Variants in ATRNL1 observed in about 807,000 individuals in gnomAD.
ATRNL1 encodes the protein attractin-like protein 1.
Under a neutral mutation model 182.7 loss-of-function variants are expected in ATRNL1, and 95 were observed. That is an observed-to-expected ratio of 0.52 (90% confidence interval 0.44 to 0.62). ATRNL1 has a LOEUF of 0.62. ATRNL1 is among the 20% of genes least tolerant of loss of function. ATRNL1 has a pLI of 0.00. For missense variants in ATRNL1, 1,471 were observed against 1,679.5 expected (o/e 0.88, Z 2.17); for synonymous variants, 576 against 568.3 (o/e 1.01, Z -0.19).
chr10:115,501,136 GT>G (rs1361179531), intron 24 of ATRNL1, among the ~76,000 whole-genome samples: 2 of 151,724 alleles, frequency 1.3e-5, no homozygotes, highest in Non-Finnish European at 2.9e-5. Context: ...GTTTCACCAT[GT>G]TTGCCAGGCT....
intron 8 of ATRNL1, among the ~76,000 whole-genome samples, chr10:115,177,904 TTTTTTTTGTTTTTTTTTTTG>T (rs1564799883): frequency 1.3e-4 from 11 of 83,528 alleles, no homozygotes; most frequent in African/African-American, 3.9e-4. Context: ...TGTTTTTTTG[TTTTTTTTGTTTTTTTTTTTG>T]TTTTTTTTTT....
intron 28 of ATRNL1, among the ~76,000 whole-genome samples, chr10:115,855,708 A>G (rs1414018014): frequency 4.6e-5 from 7 of 152,194 alleles, no homozygotes; most frequent in Admixed American, 3.9e-4. Context: ...TTTATAATTC[A>G]TGTAGGATGG....
chr10:115,200,100 A>G (rs1848505037), intron 8 of ATRNL1, among the ~76,000 whole-genome samples: 1 of 152,132 alleles, frequency 6.6e-6, no homozygotes, highest in South Asian at 2.1e-4. Context: ...CATTAAAGTA[A>G]GATACAAAGA....
chr10:115,285,096 G>A (rs1306929885), intron 14 of ATRNL1, among the ~76,000 whole-genome samples: 3 of 152,088 alleles, frequency 2.0e-5, no homozygotes, highest in African/African-American at 7.2e-5. Context: ...TTGAGGATAC[G>A]TTTCCTTTGG....
chr10:115,476,573 A>G (rs947946169), intron 24 of ATRNL1, among the ~76,000 whole-genome samples: 2 of 151,168 alleles, frequency 1.3e-5, no homozygotes, highest in African/African-American at 4.8e-5. Context: ...GTTTTTGTAC[A>G]TATACATTTA....
At position 115,637,603 on chromosome 10, in the gene ATRNL1, CTAT is replaced by C. The variant is rs3087071; in HGVS notation, c.3795+88102_3795+88104del. Among the ~76,000 whole-genome samples, 1,187 of 141,798 alleles carry C rather than the reference CTAT, an allele frequency of 8.4e-3. 11 individuals carry two copies. Among genetic ancestry groups the C allele is most frequent in the Middle Eastern group, 0.014 (4 of 276 alleles). The allele number at this position is 141,798 out of a possible 152,430, so 93.0% of individuals were successfully genotyped here. A position where few individuals can be genotyped will look rare whatever the true frequency, so the allele number is the denominator to read the frequency against. On this transcript the variant is annotated intron_variant, in intron 26 of 28. Coordinates refer to ENST00000355044, the MANE Select transcript of ATRNL1 (RefSeq NM_207303.4). ...AAAGTAAGCTAAAGTCAATTTATTA[CTAT>C]TATTATTATTATTATTATTATTATT...
At chr10:115,799,109 G>A (rs1949730795) in intron 27 of ATRNL1, among the ~76,000 whole-genome samples, 1 of 152,176 alleles carries the variant, frequency 6.6e-6, no homozygotes, top group South Asian at 2.1e-4. Context: ...ACAGGCGTGA[G>A]ACACCAGTAA....
intron 10 of ATRNL1, among the ~76,000 whole-genome samples, chr10:115,255,199 G>T (rs1261928183): frequency 6.6e-6 from 1 of 152,162 alleles, no homozygotes; most frequent in African/African-American, 2.4e-5. Flanking sequence ...GATGGGGATG[G>T]CATTGAATCT....
intron 10 of ATRNL1, among the ~76,000 whole-genome samples, chr10:115,263,746 T>C (rs1554909524): frequency 6.6e-6 from 1 of 151,818 alleles, no homozygotes; most frequent in Non-Finnish European, 1.5e-5. Context: ...CTCTAACATG[T>C]AAAATTGGCA....
At chr10:115,640,221 C>T (rs1382299764) in intron 26 of ATRNL1, among the ~76,000 whole-genome samples, 5 of 152,072 alleles carry the variant, frequency 3.3e-5, no homozygotes, top group Admixed American at 2.0e-4. Context: ...TTGTGAATAG[C>T]GCTGCAATAA....
At chr10:115,748,070 C>T (rs1340947063) in intron 27 of ATRNL1, among the ~76,000 whole-genome samples, 3 of 151,940 alleles carry the variant, frequency 2.0e-5, no homozygotes, top group African/African-American at 7.2e-5. Context: ...ATAGCAAGAG[C>T]GACATATTCT....
At chr10:115,664,098 T>C (rs555871966) in intron 26 of ATRNL1, among the ~76,000 whole-genome samples, 40 of 152,238 alleles carry the variant, frequency 2.6e-4, no homozygotes, top group African/African-American at 8.9e-4. Context: ...CCTGTTCTCA[T>C]TGAGACTACC....
rs910080229 is a variant in ATRNL1, at chr10:115,686,881, G to T, written c.3796-40367G>T. On this transcript the variant is annotated intron_variant, in intron 26 of 28. Transcript: ENST00000355044. ...GTTTTGTTAAACCACTTTATTTAAGGGTGACTTATATTCAAAAAACTCTGC... is the reference window on the plus strand; with the variant it reads ...GTTTTGTTAAACCACTTTATTTAAGTGTGACTTATATTCAAAAAACTCTGC... Among the ~76,000 whole-genome samples the T allele has an allele frequency of 2.6e-5, 4 of 151,850 alleles. 1 individual carries two copies. Among genetic ancestry groups the T allele is most frequent in the Non-Finnish European group, 5.9e-5 (4 of 67,890 alleles).
intron 5 of ATRNL1, among the ~76,000 whole-genome samples, chr10:115,154,491 A>G (rs1564781255): frequency 6.6e-6 from 1 of 152,138 alleles, no homozygotes; most frequent in African/African-American, 2.4e-5. Context: ...TCTTCGAAGA[A>G]GAAAGGTAGC....
chr10:115,445,753 G>A (rs116127795), intron 21 of ATRNL1, among the ~76,000 whole-genome samples: 1,595 of 63,504 alleles, frequency 0.025, 22 homozygotes, highest in African/African-American at 0.086. Flanking sequence ...AGCTGTACAT[G>A]TCAGCAGTCA....
At chr10:115,106,534 A>G (rs1844019772) in intron 1 of ATRNL1, among the ~76,000 whole-genome samples, 1 of 152,120 alleles carries the variant, frequency 6.6e-6, no homozygotes, top group African/African-American at 2.4e-5. Flanking sequence ...CTCAGTTTGA[A>G]TTGTATCTCC....
intron 28 of ATRNL1, among the ~76,000 whole-genome samples, chr10:115,941,554 G>A (rs1251750061): frequency 5.9e-5 from 9 of 152,204 alleles, no homozygotes; most frequent in Admixed American, 1.3e-4. Flanking sequence ...TCATGCAGTA[G>A]TTTAATGAAT....
At chr10:115,306,430 T>A (rs568127853) in intron 17 of ATRNL1, among the ~76,000 whole-genome samples, 1 of 152,170 alleles carries the variant, frequency 6.6e-6, no homozygotes, top group African/African-American at 2.4e-5. Context: ...TTGGGAGCTT[T>A]TAAGATTTTT....
At chr10:115,618,277 A>G (rs916838928) in intron 26 of ATRNL1, among the ~76,000 whole-genome samples, 2 of 152,166 alleles carry the variant, frequency 1.3e-5, no homozygotes, top group Non-Finnish European at 2.9e-5. Flanking sequence ...GATATTTTAA[A>G]TATAATATTC....
Sources: gnomAD v4.1 joint callset for allele counts (sites outside exome capture counted in the v4.1 genomes callset) on GRCh38, gnomAD v4.1.1 for gene constraint, MANE v1.5 for transcripts, NCBI Gene and HGNC (gene_info 2026-07-23, HGNC 2026-07-21) for gene names.